The following SEC14L5 variants were observed in gnomAD, a reference collection of about 807,000 sequenced individuals.
The protein encoded by SEC14L5 is SEC14 like lipid binding 5.
A neutral mutation model predicts 84.6 loss-of-function variants in SEC14L5; 96 were observed. That is an observed-to-expected ratio of 1.13 (90% CI 0.96 to 1.34). The LOEUF is 1.34. Among genes scored for constraint, SEC14L5 ranks in the 40% most tolerant of loss-of-function variants. The pLI, the probability that SEC14L5 is intolerant of heterozygous loss-of-function variation, is 0.00. For missense variants in SEC14L5, 1,224 were observed against 942.5 expected, an observed-to-expected ratio of 1.30 and a Z score of -3.91; for synonymous variants, 546 against 383.4, an observed-to-expected ratio of 1.42 and a Z score of -4.95.
intron 2 of SEC14L5, among the ~76,000 whole-genome samples, chr16:4,961,361 C>A (rs992977339): frequency 1.3e-5 from 2 of 152,212 alleles, no homozygotes; most frequent in Non-Finnish European, 2.9e-5. Flanking sequence ...CTGAGTCTCA[C>A]TCTGTTGCCC....
intron 10 of SEC14L5, among the ~76,000 whole-genome samples, 153 bp downstream of exon 10, chr16:5,001,078 C>T (rs935322991): frequency 6.6e-6 from 1 of 152,056 alleles, no homozygotes; most frequent in East Asian, 1.9e-4. Context: ...TGAGGCAGGG[C>T]CCGTAAGCAT....
chr16:5,001,667 C>G (rs990372613), intron 10 of SEC14L5, among the ~76,000 whole-genome samples: 1 of 152,208 alleles, frequency 6.6e-6, no homozygotes, highest in African/African-American at 2.4e-5. Context: ...CCTCTGACTC[C>G]CCCGCATTTC....
In SEC14L5 at chr16:5,017,817, C is replaced by T. The variant is rs558841083; in HGVS notation, c.*2847C>T. 2.8e-4 allele frequency: 42 copies of T among 152,266 alleles called. 1 individual carries two copies. The highest frequency in any genetic ancestry group is 8.4e-4 in the African/African-American group (35 of 41,546). The allele number at this position is 152,266 out of a possible 1,614,324, so 9.4% of individuals were successfully genotyped here. A position where few individuals can be genotyped will look rare whatever the true frequency, so the allele number is the denominator to read the frequency against. On this transcript the variant is annotated 3_prime_UTR_variant, in exon 16 of 16. Coordinates refer to ENST00000251170, the MANE Select transcript of SEC14L5 (RefSeq NM_014692.2). ...TTATCAAGGTCATTCTTCTTGCCTT[C>T]GGGAGGACTGGAATTAAAAATAATC...
intron 2 of SEC14L5, among the ~76,000 whole-genome samples, chr16:4,982,571 C>G (rs1375552214): frequency 6.6e-6 from 1 of 152,176 alleles, no homozygotes; most frequent in Non-Finnish European, 1.5e-5. Flanking sequence ...GAGCCTGGGG[C>G]TGACCTGAAT....
rs1469722451 is a variant in SEC14L5 at position 5,000,925 on chromosome 16, G to A, written c.1130G>A (p.Ser377Asn). ...ACAAGGCAGCTGGGCCGTCCCATCAGGCAAACACCTGGGCTGGGCACAAAT... is the reference window on the plus strand; with the variant it reads ...ACAAGGCAGCTGGGCCGTCCCATCAAGCAAACACCTGGGCTGGGCACAAAT... ...GSTRQLGRPI[S>N]SWTCLLDLEG... Residue 377 changes from serine (S) to asparagine (N), a missense_variant and splice_region_variant, in exon 10 of 16, where the codon AGC (serine) becomes AAC (asparagine). Physicochemically the swap from Ser to Asn is conservative, Grantham distance 46 (BLOSUM62 1). Transcript: ENST00000251170. The A allele has an allele frequency of 6.2e-7, 1 of 1,604,368 alleles. No individual in the cohort carries two copies. Among genetic ancestry groups the A allele is most frequent in the African/African-American group, 1.3e-5 (1 of 74,772 alleles).
In SEC14L5 at chr16:5,018,318, AG is replaced by A. The variant is rs1419585914; in HGVS notation, c.*3350del. 1 of 152,258 alleles carries A rather than the reference AG, an allele frequency of 6.6e-6. No homozygotes were observed. Among genetic ancestry groups the A allele is most frequent in the Non-Finnish European group, 1.5e-5 (1 of 68,044 alleles). 9.4% of individuals were successfully genotyped at this position (152,258 alleles called of 1,614,324 possible). On this transcript the variant is annotated 3_prime_UTR_variant, in exon 16 of 16. Transcript: ENST00000251170. ...TTCGTTATTGCACCCAGAGAAAAGT[AG>A]GTGTCAAGAATTATTGCCCTCTGAG... is the stretch of plus-strand genomic sequence containing the variant.
rs367771073 is a variant in SEC14L5 at position 4,998,493 on chromosome 16, CTT to C, written c.970+1451_970+1452del. On this transcript the variant is annotated intron_variant, in intron 8 of 15. Coordinates refer to ENST00000251170, the MANE Select transcript of SEC14L5 (RefSeq NM_014692.2). ...GTGGCTCACGCCTGTAATCCCAGCACTTTGGGAGGCCGAGGCGGGCGGATCAC... is the reference window on the plus strand; with the variant it reads ...GTGGCTCACGCCTGTAATCCCAGCACTGGGAGGCCGAGGCGGGCGGATCAC... Among the ~76,000 whole-genome samples, 774 of 151,100 alleles carry C rather than the reference CTT, an allele frequency of 5.1e-3. 8 individuals carry two copies. Among genetic ancestry groups the C allele is most frequent in the African/African-American group, 0.017 (694 of 41,308 alleles).
At chr16:4,991,758 G>T in intron 5 of SEC14L5, 80 bp from the exon 6 acceptor site, 1 of 938,496 alleles carries the variant, frequency 1.1e-6, no homozygotes, top group East Asian at 2.8e-5. Flanking sequence ...AGCCGGCTGG[G>T]GGTGACTCCC....
chr16:4,999,517 G>A lies in SEC14L5; in HGVS notation c.971-1138G>A, dbSNP rs188814389. Among the ~76,000 whole-genome samples, 33 of 152,290 alleles carry A rather than the reference G, an allele frequency of 2.2e-4. No individual in the cohort carries two copies. In the East Asian group the frequency reaches 6.2e-3, roughly 29 times the overall value. On this transcript the variant is annotated intron_variant, in intron 8 of 15. Coordinates refer to ENST00000251170, the MANE Select transcript of SEC14L5 (RefSeq NM_014692.2). Reference sequence around the variant, plus strand: ...TGCCTGTGGTCCCAGCTACTTGGGAGGCTGAGGTGGGAGGATTGTTTAAGC... The same window carrying A: ...TGCCTGTGGTCCCAGCTACTTGGGAAGCTGAGGTGGGAGGATTGTTTAAGC...
intron 6 of SEC14L5, among the ~76,000 whole-genome samples, chr16:4,994,365 C>T (rs1353035967): frequency 2.0e-5 from 3 of 149,208 alleles, no homozygotes. Flanking sequence ...TATTCTTTTT[C>T]TTTTTTTTTT....
At chr16:4,973,070 A>C (rs1418349447) in intron 2 of SEC14L5, among the ~76,000 whole-genome samples, 1 of 152,224 alleles carries the variant, frequency 6.6e-6, no homozygotes, top group Non-Finnish European at 1.5e-5. Context: ...TGTGTGAAGG[A>C]ATAAAACAGG....
chr16:4,959,241 G>C (rs1955089049), intron 1 of SEC14L5, 32 bp from the exon 2 acceptor site: 2 of 1,079,944 alleles, frequency 1.9e-6, no homozygotes, highest in Non-Finnish European at 1.4e-6. Flanking sequence ...CGAGGTGGGA[G>C]CTGCAACCTC....
At chr16:4,969,742 G>C (rs914118797) in intron 2 of SEC14L5, among the ~76,000 whole-genome samples, 1 of 151,224 alleles carries the variant, frequency 6.6e-6, no homozygotes, top group Non-Finnish European at 1.5e-5. Context: ...TTGTTTACTT[G>C]TTTATATGGG....
intron 3 of SEC14L5, 144 bp from the exon 4 acceptor site, chr16:4,988,004 TG>T: frequency 1.2e-6 from 1 of 858,702 alleles, no homozygotes; most frequent in Non-Finnish European, 1.8e-6. Context: ...GTTGGTGTCC[TG>T]GGTCCGGGCT....
Position 5,015,896 on chromosome 16 carries a change from G to C in SEC14L5, c.*926G>C, listed in dbSNP as rs921713010. Reference sequence around the variant, plus strand: ...TGATTGGAGAGGGTGGGAGAGCCCTGGGTTTCTGCTAAGTTCCAGGCAGTG... The same window carrying C: ...TGATTGGAGAGGGTGGGAGAGCCCTCGGTTTCTGCTAAGTTCCAGGCAGTG... On this transcript the variant is annotated 3_prime_UTR_variant, in exon 16 of 16. Transcript: ENST00000251170. 5.3e-5 allele frequency: 8 copies of C among 152,328 alleles called. No homozygotes were observed. Among genetic ancestry groups the C allele is most frequent in the African/African-American group, 1.7e-4 (7 of 41,462 alleles). 9.4% of individuals were successfully genotyped at this position (152,328 alleles called of 1,614,324 possible).
intron 10 of SEC14L5, 57 bp from the exon 11 acceptor site, chr16:5,003,345 G>A (rs1437991126): frequency 5.0e-6 from 7 of 1,391,044 alleles, no homozygotes; most frequent in East Asian, 4.6e-5. Flanking sequence ...TGGGGAGGGT[G>A]TTGGTGGCCT....
intron 2 of SEC14L5, among the ~76,000 whole-genome samples, chr16:4,970,720 G>A (rs1955265108): frequency 6.6e-6 from 1 of 152,204 alleles, no homozygotes; most frequent in Admixed American, 6.5e-5. Flanking sequence ...CCCAGTGCCG[G>A]AGAGGCCAGT....
intron 13 of SEC14L5, 123 bp downstream of exon 13, chr16:5,007,609 T>TG: frequency 1.8e-6 from 1 of 555,960 alleles, no homozygotes; most frequent in East Asian, 4.2e-5. Context: ...TTTCTTTCTT[T>TG]TTTTTTTTTT....
chr16:4,980,051 T>C (rs1955401758), intron 2 of SEC14L5, among the ~76,000 whole-genome samples: 1 of 152,158 alleles, frequency 6.6e-6, no homozygotes, highest in Non-Finnish European at 1.5e-5. Context: ...CATGCGCCAA[T>C]CCCACCACTC....
Sources: gnomAD v4.1 joint callset for allele counts (sites outside exome capture counted in the v4.1 genomes callset) on GRCh38, gnomAD v4.1.1 for gene constraint, MANE v1.5 for transcripts, NCBI Gene and HGNC (gene_info 2026-07-23, HGNC 2026-07-21) for gene names.